The following ARL15 variants were observed in gnomAD, a reference collection of about 807,000 sequenced individuals.
The protein encoded by ARL15 is ARF like GTPase 15.
ARL15 carries 19 observed loss-of-function variants against 25.2 expected under a neutral mutation model. The ratio of observed to expected loss-of-function variants is 0.75; its 90% CI spans 0.53 to 1.10. The LOEUF (loss-of-function observed/expected upper bound fraction) is 1.10, where lower values mean the gene tolerates loss of function less well. Among genes scored for constraint, ARL15 ranks in the 50% least tolerant of loss-of-function variants. ARL15 has a pLI of 0.00. For synonymous variants in ARL15, 94 were observed against 86.8 expected (o/e 1.08, Z -0.46); for missense variants, 220 against 246.0 (o/e 0.89, Z 0.71).
chr5:54,093,334 G>T (rs551287412), intron 4 of ARL15, among the ~76,000 whole-genome samples: 1 of 152,260 alleles, frequency 6.6e-6, no homozygotes, highest in African/African-American at 2.4e-5. Context: ...TCCTGCTGGG[G>T]TCACTGAAAG....
chr5:54,125,360 A>G (rs1200183931), intron 3 of ARL15, among the ~76,000 whole-genome samples: 3 of 152,088 alleles, frequency 2.0e-5, no homozygotes, highest in Non-Finnish European at 4.4e-5. Flanking sequence ...TATGAAGCAA[A>G]CTGCCACACT....
chr5:54,197,079 A>G (rs924600823), intron 1 of ARL15, among the ~76,000 whole-genome samples: 18 of 152,050 alleles, frequency 1.2e-4, no homozygotes, highest in African/African-American at 4.1e-4. Flanking sequence ...CACAACACAT[A>G]GATTTGTACT....
chr5:53,983,273 T>G (rs1399772604), intron 4 of ARL15, among the ~76,000 whole-genome samples: 1 of 152,236 alleles, frequency 6.6e-6, no homozygotes, highest in East Asian at 1.9e-4. Flanking sequence ...GGTGCTTTGC[T>G]GTACATAAGT....
intron 1 of ARL15, among the ~76,000 whole-genome samples, chr5:54,190,618 T>C (rs934562691): frequency 2.6e-4 from 39 of 152,154 alleles, no homozygotes; most frequent in African/African-American, 9.4e-4. Context: ...AGGGCCTAGC[T>C]AGTTTCCTGG....
chr5:54,219,973 A>T (rs1014085835), intron 1 of ARL15, among the ~76,000 whole-genome samples: 11 of 152,326 alleles, frequency 7.2e-5, no homozygotes, highest in African/African-American at 2.6e-4. Flanking sequence ...CTTTGCAATG[A>T]CTTGCTGAAT....
chr5:54,155,222 A>G (rs894254208), intron 2 of ARL15, among the ~76,000 whole-genome samples: 1 of 152,218 alleles, frequency 6.6e-6, no homozygotes, highest in African/African-American at 2.4e-5. Context: ...TTAATTTAAT[A>G]TGTAATGTCA....
Position 54,072,587 on chromosome 5 carries a change from T to G in ARL15, c.462+40615A>C, listed in dbSNP as rs575228210. On this transcript the variant is annotated intron_variant, in intron 4 of 4. Transcript: ENST00000504924. Reference sequence around the variant, plus strand: ...AGCAATATTTCCTATCATACATACATTCTCTCAAATTCTCTAGGGAAAAAA... The same window carrying G: ...AGCAATATTTCCTATCATACATACAGTCTCTCAAATTCTCTAGGGAAAAAA... 3.3e-5 allele frequency among the ~76,000 whole-genome samples: 5 copies of G among 152,244 alleles called. No homozygotes were observed. The South Asian group carries it at 6.2e-4, about 19-fold the overall frequency.
intron 2 of ARL15, among the ~76,000 whole-genome samples, chr5:54,162,701 A>G (rs962133096): frequency 2.6e-5 from 4 of 152,108 alleles, no homozygotes; most frequent in Non-Finnish European, 1.5e-5. Flanking sequence ...CATTCTTAAA[A>G]CTAATAGCCA....
At chr5:54,291,891 C>A (rs1758326883) in intron 1 of ARL15, among the ~76,000 whole-genome samples, 1 of 152,196 alleles carries the variant, frequency 6.6e-6, no homozygotes, top group South Asian at 2.1e-4. Context: ...AACTGGGCTC[C>A]CCTGGGGCTT....
At chr5:54,011,068 C>A (rs1356259156) in intron 4 of ARL15, among the ~76,000 whole-genome samples, 2 of 151,730 alleles carry the variant, frequency 1.3e-5, no homozygotes, top group Non-Finnish European at 2.9e-5. Context: ...TGATAAAAGG[C>A]CAAATTATAA....
intron 4 of ARL15, among the ~76,000 whole-genome samples, chr5:54,086,482 A>T (rs1358974913): frequency 6.6e-6 from 1 of 151,966 alleles, no homozygotes; most frequent in Non-Finnish European, 1.5e-5. Context: ...CAGTAGCTTA[A>T]ATAGACATTT....
At chr5:54,195,018 C>A (rs1165915883) in intron 1 of ARL15, among the ~76,000 whole-genome samples, 1 of 152,186 alleles carries the variant, frequency 6.6e-6, no homozygotes, top group Non-Finnish European at 1.5e-5. Context: ...TCGAGACATT[C>A]AGGATGTTTA....
intron 4 of ARL15, among the ~76,000 whole-genome samples, chr5:53,911,575 G>A (rs999930885): frequency 2.6e-5 from 4 of 151,996 alleles, no homozygotes; most frequent in Admixed American, 2.6e-4. Flanking sequence ...GGGACAGGTG[G>A]TGTTTGGTCA....
At chr5:54,180,993 C>T (rs1755040058) in intron 1 of ARL15, among the ~76,000 whole-genome samples, 2 of 152,064 alleles carry the variant, frequency 1.3e-5, no homozygotes, top group Admixed American at 6.6e-5. Context: ...CAGTCATCCC[C>T]GATCAGTGGC....
At chr5:54,266,118 A>G (rs145865555) in intron 1 of ARL15, among the ~76,000 whole-genome samples, 6 of 152,232 alleles carry the variant, frequency 3.9e-5, no homozygotes, top group African/African-American at 1.4e-4. Context: ...AACTTCATTA[A>G]CTGCCAGTTG....
chr5:54,075,222 A>G (rs1029840071), intron 4 of ARL15, among the ~76,000 whole-genome samples: 2 of 152,118 alleles, frequency 1.3e-5, no homozygotes, highest in Admixed American at 1.3e-4. Flanking sequence ...AGTTCAGGAC[A>G]ATAAATATAG....
intron 2 of ARL15, among the ~76,000 whole-genome samples, chr5:54,166,673 A>G (rs1754577920): frequency 6.6e-6 from 1 of 152,188 alleles, no homozygotes; most frequent in African/African-American, 2.4e-5. Flanking sequence ...GTTGTCCCAT[A>G]GCTCGCTGGA....
chr5:54,017,027 G>A (rs929262165), intron 4 of ARL15, among the ~76,000 whole-genome samples: 6 of 152,170 alleles, frequency 3.9e-5, no homozygotes, highest in Admixed American at 6.5e-5. Context: ...ATCGTGGTGC[G>A]TCCTCTACTT....
At chr5:54,075,485 C>CT (rs70986658) in intron 4 of ARL15, 75,056 of 150,142 alleles carry the variant, frequency 0.5, 20,576 homozygotes, top group Non-Finnish European at 0.62. Flanking sequence ...ATATATATTC[C>CT]TTTTTTTTTT....
Sources: gnomAD v4.1 joint callset for allele counts (sites outside exome capture counted in the v4.1 genomes callset) on GRCh38, gnomAD v4.1.1 for gene constraint, MANE v1.5 for transcripts, NCBI Gene and HGNC (gene_info 2026-07-23, HGNC 2026-07-21) for gene names.